The following CYRIA variants were observed in gnomAD, a reference collection of about 807,000 sequenced individuals.
CYRIA encodes the protein CYFIP related Rac1 interactor A.
CYRIA carries 15 observed loss-of-function variants against 43.9 expected under a neutral mutation model. The observed-to-expected ratio is 0.34, with a 90% CI of 0.23 to 0.53. The LOEUF (loss-of-function observed/expected upper bound fraction) is 0.53. Among genes scored for constraint, CYRIA ranks in the 20% least tolerant of loss-of-function variants. CYRIA has a pLI of 0.94. For missense variants in CYRIA, 236 were observed against 394.2 expected (o/e 0.60, Z 3.40); for synonymous variants, 117 against 136.0 (o/e 0.86, Z 0.97).
chr2:16,554,419 A>C (rs369597966), intron 11 of CYRIA, among the ~76,000 whole-genome samples: 9 of 152,194 alleles, frequency 5.9e-5, no homozygotes, highest in South Asian at 2.1e-4. Flanking sequence ...CCCTGGGAAG[A>C]AAGCAGCTGC....
At chr2:16,652,206 C>T (rs558289093) in intron 1 of CYRIA, among the ~76,000 whole-genome samples, 1 of 152,284 alleles carries the variant, frequency 6.6e-6, no homozygotes, top group Admixed American at 6.5e-5. Flanking sequence ...CCCACAGCTT[C>T]AGGATGTCCT....
chr2:16,618,093 T>A (rs1468894751), intron 2 of CYRIA, among the ~76,000 whole-genome samples: 1 of 152,202 alleles, frequency 6.6e-6, no homozygotes, highest in Non-Finnish European at 1.5e-5. Flanking sequence ...TCTTTCCAGC[T>A]GGGCTATCAA....
chr2:16,593,633 G>T (rs1022628886), intron 2 of CYRIA, among the ~76,000 whole-genome samples: 1 of 150,144 alleles, frequency 6.7e-6, no homozygotes. Context: ...TGGATGGTGT[G>T]GTTACTCTTT....
chr2:16,552,970 G>A lies in CYRIA; in HGVS notation c.938C>T (p.Ser313Leu), dbSNP rs751897701. The change falls in exon 12 of 12, where the codon TCA (serine) becomes TTA (leucine). Residue 313 changes from serine (S) to leucine (L), a missense_variant. By Grantham distance (145) the Ser-to-Leu change is moderately radical. This residue lies in a region of CYRIA where 40 missense variants were observed against 62.2 expected (regional missense o/e 0.64). Transcript: ENST00000381323. ...CATTGCTCGAATCTGTTTGGAAGTT[G>A]ATTCATCGTTCAAGTGCTTTGTAGT... ...RFTTKHLNDE[S>L]TSKQIRAMLQ The A allele has an allele frequency of 6.2e-7, 1 of 1,610,936 alleles. No individual in the cohort carries two copies. The highest frequency in any genetic ancestry group is 1.1e-5 in the South Asian group (1 of 91,018).
intron 1 of CYRIA, among the ~76,000 whole-genome samples, chr2:16,652,474 T>C (rs532979270): frequency 6.6e-5 from 10 of 152,320 alleles, no homozygotes; most frequent in Non-Finnish European, 1.0e-4. Context: ...CTAGGATTTT[T>C]CCCTGCATTT....
intron 1 of CYRIA, among the ~76,000 whole-genome samples, chr2:16,636,865 A>G (rs1296529696): frequency 6.6e-6 from 1 of 152,128 alleles, no homozygotes; most frequent in Admixed American, 6.5e-5. Flanking sequence ...AGTTCCAGCT[A>G]CTAGGAAGGC....
intron 2 of CYRIA, among the ~76,000 whole-genome samples, chr2:16,612,471 T>G (rs950950652): frequency 5.9e-5 from 9 of 152,296 alleles, no homozygotes; most frequent in African/African-American, 1.9e-4. Context: ...AAAGATCTCA[T>G]GCTATGCTTG....
chr2:16,614,214 G>A (rs538727027), intron 2 of CYRIA, among the ~76,000 whole-genome samples: 10 of 152,232 alleles, frequency 6.6e-5, no homozygotes, highest in Admixed American at 5.2e-4. Context: ...CTGTACCCCC[G>A]AGCCTGCTTT....
intron 1 of CYRIA, among the ~76,000 whole-genome samples, chr2:16,642,612 G>A (rs540249457): frequency 6.6e-6 from 1 of 151,352 alleles, no homozygotes; most frequent in African/African-American, 2.5e-5. Flanking sequence ...ACGCTCTCCA[G>A]CAGCACCCTT....
At chr2:16,640,361 T>C (rs1040671675) in intron 1 of CYRIA, among the ~76,000 whole-genome samples, 19 of 152,320 alleles carry the variant, frequency 1.2e-4, no homozygotes, top group African/African-American at 4.3e-4. Flanking sequence ...GGTTCTAGCC[T>C]CCTGAAATCA....
chr2:16,560,065 A>G (rs981773185), intron 9 of CYRIA, among the ~76,000 whole-genome samples: 1 of 152,154 alleles, frequency 6.6e-6, no homozygotes, highest in Non-Finnish European at 1.5e-5. Context: ...AAAACTATGT[A>G]TCATTCATTG....
intron 2 of CYRIA, among the ~76,000 whole-genome samples, chr2:16,589,816 C>T (rs1233804032): frequency 6.6e-6 from 1 of 151,862 alleles, no homozygotes; most frequent in Non-Finnish European, 1.5e-5. Context: ...AGGCCGTATG[C>T]TGTGCTAGGA....
At chr2:16,658,677 T>A (rs1670174578) in intron 1 of CYRIA, among the ~76,000 whole-genome samples, 1 of 152,200 alleles carries the variant, frequency 6.6e-6, no homozygotes, top group Non-Finnish European at 1.5e-5. Context: ...TCTTTTCCTG[T>A]CTTTCCCTTT....
At position 16,640,550 on chromosome 2, in the gene CYRIA, A is replaced by G. The variant is rs571639304; in HGVS notation, c.-166-16531T>C. 5.1e-4 allele frequency among the ~76,000 whole-genome samples: 77 copies of G among 152,310 alleles called. 1 individual carries two copies. Among genetic ancestry groups the G allele is most frequent in the African/African-American group, 1.8e-3 (74 of 41,568 alleles). On this transcript the variant is annotated intron_variant, in intron 1 of 11. Transcript: ENST00000381323. ...GCCTAGATTTATGGAGGCAGAGTGG[A>G]GAGCCCCATCTGGTTGCTTGGCCTT...
Position 16,647,720 on chromosome 2 carries a change from G to T in CYRIA, c.-167+18060C>A, listed in dbSNP as rs139529254. 2.9e-3 allele frequency among the ~76,000 whole-genome samples: 445 copies of T among 152,214 alleles called. 8 individuals are homozygous for T. The highest frequency in any genetic ancestry group is 0.01 in the African/African-American group (421 of 41,524). On this transcript the variant is annotated intron_variant, in intron 1 of 11. Coordinates refer to ENST00000381323, the MANE Select transcript of CYRIA (RefSeq NM_030797.4). ...GCTCTCCCCACTTTCTTTCTCCTCT[G>T]CCTTGTACAGTCCACATTTTTCCTT...
At chr2:16,657,614 T>C (rs545814267) in intron 1 of CYRIA, among the ~76,000 whole-genome samples, 1 of 152,292 alleles carries the variant, frequency 6.6e-6, no homozygotes, top group African/African-American at 2.4e-5. Flanking sequence ...TACCCTCTAA[T>C]ATCCAAAGGT....
chr2:16,561,363 A>G (rs909439425), intron 7 of CYRIA, 86 bp from the exon 8 acceptor site: 1 of 1,485,510 alleles, frequency 6.7e-7, no homozygotes, highest in Non-Finnish European at 9.4e-7. Context: ...AATTACAGAC[A>G]AGGACATTGT....
intron 2 of CYRIA, among the ~76,000 whole-genome samples, chr2:16,616,732 A>G (rs1025461191): frequency 5.3e-5 from 8 of 152,246 alleles, no homozygotes; most frequent in Non-Finnish European, 8.8e-5. Context: ...CTTTAAGTCA[A>G]AATAAAAATT....
Position 16,600,595 on chromosome 2 carries a change from C to T in CYRIA, c.-10-12466G>A, listed in dbSNP as rs141256208. 7.9e-3 allele frequency among the ~76,000 whole-genome samples: 1,204 copies of T among 152,232 alleles called. 19 individuals carry two copies. The highest frequency in any genetic ancestry group is 0.027 in the African/African-American group (1,124 of 41,544). On this transcript the variant is annotated intron_variant, in intron 2 of 11. Transcript: ENST00000381323. ...CTATCTAGAAGCACGTATCACATTC[C>T]TGATAAATCATAAGTACTCAAATAT...
Sources: gnomAD v4.1 joint callset for allele counts (sites outside exome capture counted in the v4.1 genomes callset) on GRCh38, gnomAD v4.1.1 for gene constraint, gnomAD v4.1.1 regional missense constraint, MANE v1.5 for transcripts, NCBI Gene and HGNC (gene_info 2026-07-23, HGNC 2026-07-21) for gene names.